The following PCDH15 variants were observed in gnomAD, a reference collection of about 807,000 sequenced individuals.
The protein encoded by PCDH15 is protocadherin related 15.
A neutral mutation model predicts 178.5 loss-of-function variants in PCDH15; 129 were observed. That is an observed-to-expected ratio of 0.72 (90% CI 0.63 to 0.84). The LOEUF (loss-of-function observed/expected upper bound fraction) is 0.84. PCDH15 is among the 40% of genes least tolerant of loss of function. PCDH15 has a pLI of 0.00. For synonymous variants in PCDH15, 800 were observed against 732.0 expected (o/e 1.09, Z -1.50); for missense variants, 2,230 against 2,099.9 (o/e 1.06, Z -1.21).
chr10:54,070,886 C>G (rs2094228295), intron 17 of PCDH15, among the ~76,000 whole-genome samples: 1 of 152,048 alleles, frequency 6.6e-6, no homozygotes, highest in Non-Finnish European at 1.5e-5. Flanking sequence ...GCCGCGATAT[C>G]CAGCTCATCT....
intron 1 of PCDH15, among the ~76,000 whole-genome samples, chr10:55,255,415 G>A (rs1000353334): frequency 2.6e-5 from 4 of 152,162 alleles, no homozygotes; most frequent in East Asian, 1.9e-4. Flanking sequence ...ATAAACATAT[G>A]TGTGCATGTG....
At chr10:54,780,155 G>A (rs1328119492) in intron 1 of PCDH15, among the ~76,000 whole-genome samples, 1 of 152,118 alleles carries the variant, frequency 6.6e-6, no homozygotes, top group Non-Finnish European at 1.5e-5. Flanking sequence ...CTTCGTGTGA[G>A]GTGCCACACA....
intron 12 of PCDH15, 48 bp downstream of exon 12, chr10:54,185,086 T>C: frequency 6.3e-7 from 1 of 1,597,644 alleles, no homozygotes; most frequent in Non-Finnish European, 8.6e-7. Flanking sequence ...CAAACATACA[T>C]ACATACATTC....
intron 2 of PCDH15, among the ~76,000 whole-genome samples, chr10:55,155,863 C>A (rs1838872299): frequency 6.6e-6 from 1 of 152,020 alleles, no homozygotes; most frequent in Non-Finnish European, 1.5e-5. Context: ...ATATATTTTG[C>A]TGTAAAGATC....
In PCDH15 at chr10:54,461,068, A is replaced by G. The variant is rs186173313; in HGVS notation, c.157+66744T>C. On this transcript the variant is annotated intron_variant, in intron 3 of 37. Coordinates refer to ENST00000644397, the MANE Select transcript of PCDH15 (RefSeq NM_001384140.1). ...TTAGAGAATATTTACATCACCTGCTATAAGAGTGACAGCATATTAGCCAAT... is the reference window on the plus strand; with the variant it reads ...TTAGAGAATATTTACATCACCTGCTGTAAGAGTGACAGCATATTAGCCAAT... 9.2e-5 allele frequency among the ~76,000 whole-genome samples: 14 copies of G among 152,190 alleles called. 1 individual carries two copies. In the East Asian group the frequency reaches 1.9e-3, roughly 21 times the overall value.
chr10:55,295,997 C>G (rs1003910823), intron 1 of PCDH15, among the ~76,000 whole-genome samples: 5 of 152,110 alleles, frequency 3.3e-5, no homozygotes, highest in South Asian at 2.1e-4. Context: ...TTCCCACAAC[C>G]CTCTTCTTAG....
intron 2 of PCDH15, among the ~76,000 whole-genome samples, chr10:55,072,893 A>G (rs1841788299): frequency 6.6e-6 from 1 of 150,664 alleles, no homozygotes; most frequent in South Asian, 2.1e-4. Flanking sequence ...CAAAAAGCTT[A>G]TCCACCATGA....
chr10:54,907,186 G>A (rs1954739237), intron 2 of PCDH15, among the ~76,000 whole-genome samples: 1 of 152,120 alleles, frequency 6.6e-6, no homozygotes, highest in South Asian at 2.1e-4. Flanking sequence ...AAAACAGGTT[G>A]TAATTACTAA....
intron 1 of PCDH15, among the ~76,000 whole-genome samples, chr10:55,287,112 C>G (rs1213821663): frequency 6.6e-6 from 1 of 151,714 alleles, no homozygotes; most frequent in Non-Finnish European, 1.5e-5. Flanking sequence ...TAAATATTCA[C>G]AATAAGAAAA....
chr10:54,821,532 T>A (rs1953040316), intron 3 of PCDH15, among the ~76,000 whole-genome samples: 2 of 151,996 alleles, frequency 1.3e-5, no homozygotes, highest in African/African-American at 4.8e-5. Flanking sequence ...TCACAATATA[T>A]AGAAAAAATA....
At chr10:55,506,247 A>G (rs1418309347) in intron 2 of PCDH15, 1 of 151,500 alleles carries the variant, frequency 6.6e-6, no homozygotes, top group Admixed American at 6.6e-5. Context: ...GATTGGATGG[A>G]CACTGGAGAA....
intron 1 of PCDH15, among the ~76,000 whole-genome samples, chr10:55,313,404 C>T (rs188539365): frequency 6.6e-6 from 1 of 152,192 alleles, no homozygotes; most frequent in East Asian, 1.9e-4. Context: ...CAGTTAAATT[C>T]CTTCTATTTA....
intron 25 of PCDH15, among the ~76,000 whole-genome samples, chr10:53,919,427 T>G (rs1372216495): frequency 6.6e-6 from 1 of 152,220 alleles, no homozygotes; most frequent in Non-Finnish European, 1.5e-5. Context: ...ACAACATCAC[T>G]GACAGAAAGC....
chr10:53,831,215 G>T, intron 30 of PCDH15, 100 bp downstream of exon 30: 2 of 1,053,614 alleles, frequency 1.9e-6, no homozygotes, highest in South Asian at 1.3e-5. Context: ...CAGAGTAGTT[G>T]CACCATCAAT....
At chr10:55,240,275 T>A (rs71492650) in intron 1 of PCDH15, among the ~76,000 whole-genome samples, 17,214 of 152,238 alleles carry the variant, frequency 0.11, 1,153 homozygotes, top group Middle Eastern at 0.21. Context: ...GTATTTAATA[T>A]ACAAAGTAGT....
At chr10:55,391,896 C>T (rs1230421019) in intron 2 of PCDH15, among the ~76,000 whole-genome samples, 5 of 152,174 alleles carry the variant, frequency 3.3e-5, no homozygotes, top group East Asian at 1.9e-4. Context: ...TTCTACATGT[C>T]GTTCTCCTTA....
At chr10:54,429,365 A>G (rs1956680345) in intron 3 of PCDH15, among the ~76,000 whole-genome samples, 1 of 152,172 alleles carries the variant, frequency 6.6e-6, no homozygotes, top group Non-Finnish European at 1.5e-5. Flanking sequence ...GAAAGAAATT[A>G]AATCCTACTG....
At chr10:55,232,405 T>G (rs1472956413) in intron 1 of PCDH15, among the ~76,000 whole-genome samples, 1 of 152,112 alleles carries the variant, frequency 6.6e-6, no homozygotes, top group Admixed American at 6.5e-5. Context: ...TATTTTATAA[T>G]ATTGCATACA....
At chr10:55,268,975 C>G (rs1342316921) in intron 1 of PCDH15, among the ~76,000 whole-genome samples, 1 of 152,060 alleles carries the variant, frequency 6.6e-6, no homozygotes, top group Admixed American at 6.6e-5. Context: ...CAAGGCTGGT[C>G]CAACATATGC....
Sources: gnomAD v4.1 joint callset for allele counts (sites outside exome capture counted in the v4.1 genomes callset) on GRCh38, gnomAD v4.1.1 for gene constraint, MANE v1.5 for transcripts, NCBI Gene and HGNC (gene_info 2026-07-23, HGNC 2026-07-21) for gene names.